Variants in NMD3 observed in about 807,000 individuals in gnomAD.
NMD3 encodes NMD3 ribosome export adaptor.
In NMD3, 47 loss-of-function variants were observed where a neutral mutation model predicts 73.1. The ratio of observed to expected loss-of-function variants is 0.64; its 90% CI spans 0.51 to 0.82. NMD3 has a LOEUF of 0.82. Among genes scored for constraint, NMD3 ranks in the 40% least tolerant of loss-of-function variants. The probability of loss-of-function intolerance (pLI) is 0.00; values close to 1 mark genes in which losing one functional copy is unlikely to be tolerated. For synonymous variants in NMD3, 210 were observed against 194.5 expected, an observed-to-expected ratio of 1.08 and a Z score of -0.66; for missense variants, 554 against 612.5, an observed-to-expected ratio of 0.90 and a Z score of 1.01.
intron 3 of NMD3, among the ~76,000 whole-genome samples, chr3:161,225,824 A>G (rs1190412914): frequency 2.0e-5 from 3 of 151,844 alleles, no homozygotes; most frequent in Non-Finnish European, 2.9e-5. Flanking sequence ...ATGTATATAT[A>G]TGTGTGTGTG....
rs1301349521 is a variant in NMD3, at chr3:161,235,106, A to T, written c.487-16A>T. 7.6e-7 allele frequency: 1 copy of T among 1,310,454 alleles called. No homozygotes were observed. Among genetic ancestry groups the T allele is most frequent in the African/African-American group, 1.5e-5 (1 of 67,532 alleles). 81.2% of individuals were successfully genotyped at this position (1,310,454 alleles called of 1,614,324 possible). On this transcript the variant is annotated splice_polypyrimidine_tract_variant and intron_variant, in intron 6 of 15. Transcript: ENST00000351193. ...TTTTTGTGGGGCATTTATTGATCAA[A>T]TAATTTATATTTTAGACTTTGCATA...
intron 5 of NMD3, among the ~76,000 whole-genome samples, chr3:161,234,457 A>G (rs1163070213): frequency 2.7e-5 from 4 of 147,284 alleles, no homozygotes; most frequent in Admixed American, 6.8e-5. Context: ...ATATATATAT[A>G]TGTAAAATAT....
rs1197882242 is a variant in NMD3, at chr3:161,249,545, A to G, written c.1295A>G (p.Asp432Gly). The change falls in exon 14 of 16, where the codon GAT (aspartate) becomes GGT (glycine). Residue 432 changes from aspartate to glycine, a missense_variant. By Grantham distance (94) the Asp-to-Gly change is moderately conservative. Coordinates refer to ENST00000351193, the MANE Select transcript of NMD3 (RefSeq NM_015938.5). Reference protein sequence around the residue: ...KELARERENMDTDDERQYQDF... With the variant: ...KELARERENMGTDDERQYQDF... The stretch of plus-strand genomic sequence containing the variant: ...CTTGCAAGAGAGAGAGAAAACATGG[A>G]TACAGATGATGAAAGGTCTCGCTTT... The G allele has an allele frequency of 1.9e-6, 3 of 1,601,632 alleles. No homozygotes were observed. Among genetic ancestry groups the G allele is most frequent in the African/African-American group, 1.3e-5 (1 of 74,578 alleles).
At chr3:161,225,113 A>C in intron 3 of NMD3, 49 bp downstream of exon 3, 1 of 1,556,068 alleles carries the variant, frequency 6.4e-7, no homozygotes. Context: ...ATTTACATTT[A>C]GAGAACCACC....
intron 4 of NMD3, among the ~76,000 whole-genome samples, chr3:161,230,381 C>T (rs1736486843): frequency 6.6e-6 from 1 of 152,178 alleles, no homozygotes; most frequent in African/African-American, 2.4e-5. Flanking sequence ...AAGCGATCCT[C>T]CTGCCTCAGC....
chr3:161,227,587 A>G (rs564915409), intron 4 of NMD3, among the ~76,000 whole-genome samples: 1 of 151,666 alleles, frequency 6.6e-6, no homozygotes, highest in Admixed American at 6.6e-5. Context: ...AGCTGGGATT[A>G]TAGGCGCACA....
chr3:161,221,883 A>G, intron 1 of NMD3, 111 bp from the exon 2 acceptor site: 2 of 645,270 alleles, frequency 3.1e-6, no homozygotes, highest in African/African-American at 1.9e-5. Context: ...CTGTGAATAT[A>G]TTAATTATTC....
At chr3:161,235,809 G>A (rs950621711) in intron 7 of NMD3, among the ~76,000 whole-genome samples, 4 of 151,858 alleles carry the variant, frequency 2.6e-5, no homozygotes, top group African/African-American at 9.7e-5. Flanking sequence ...TAGATTCTTG[G>A]TATAAAATTG....
chr3:161,253,045 CGA>C (rs1711506686), downstream of NMD3: 2 of 274,624 alleles, frequency 7.3e-6, no homozygotes, highest in East Asian at 1.4e-4. Context: ...TGCAGTGAGT[CGA>C]GATCTGGCCA....
intron 7 of NMD3, 67 bp downstream of exon 7, chr3:161,235,279 TA>T (rs1350766112): frequency 1.3e-6 from 1 of 741,382 alleles, no homozygotes. Flanking sequence ...TAAGTAATCT[TA>T]TATTTACTGA....
intron 13 of NMD3, 37 bp downstream of exon 13, chr3:161,247,367 A>C (rs1390564714): frequency 3.0e-6 from 4 of 1,316,982 alleles, no homozygotes; most frequent in Non-Finnish European, 4.4e-6. Context: ...TCCTGTGTTA[A>C]AGAGGATGAA....
intron 15 of NMD3, 106 bp from the exon 16 acceptor site, chr3:161,250,674 A>G: frequency 1.5e-6 from 1 of 685,156 alleles, no homozygotes; most frequent in Non-Finnish European, 2.3e-6. Flanking sequence ...ATGTAGTTAC[A>G]TAATAATAAT....
intron 10 of NMD3, among the ~76,000 whole-genome samples, chr3:161,241,838 G>C (rs1013694774): frequency 6.6e-6 from 1 of 152,054 alleles, no homozygotes; most frequent in East Asian, 1.9e-4. Flanking sequence ...TGGCCCATTG[G>C]AACATTTAGT....
intron 12 of NMD3, 90 bp from the exon 13 acceptor site, chr3:161,247,168 T>G: frequency 1.3e-6 from 1 of 749,996 alleles, no homozygotes; most frequent in African/African-American, 1.7e-5. Context: ...AAATGTTTGA[T>G]TTTTAGGAAG....
chr3:161,221,976 TTTTTTTTTTTTTAA>T lies in NMD3; in HGVS notation c.-20-17_-20-4del. ...ACATTCTCTTTTTTTTTTTTTTTTT[TTTTTTTTTTTTTAA>T]AAGAACTTAAGGCATACAGAACGAT... On this transcript the variant is annotated splice_region_variant and splice_polypyrimidine_tract_variant and intron_variant, in intron 1 of 15. Coordinates refer to ENST00000351193, the MANE Select transcript of NMD3 (RefSeq NM_015938.5). 7.7e-6 allele frequency: 7 copies of T among 913,624 alleles called. No individual in the cohort carries two copies. Among genetic ancestry groups the T allele is most frequent in the Non-Finnish European group, 8.7e-6 (6 of 693,466 alleles). 56.6% of individuals were successfully genotyped at this position (913,624 alleles called of 1,614,324 possible).
At position 161,234,759 on chromosome 3, in the gene NMD3, T is replaced by C. The variant is rs1397666382; in HGVS notation, c.390T>C (p.Phe130=). Residue 130 remains phenylalanine, a synonymous_variant, in exon 6 of 16, where the codon TTT becomes TTC. Coordinates refer to ENST00000351193, the MANE Select transcript of NMD3 (RefSeq NM_015938.5). ...VMNGAILQQV[F]VVDYVVQSQM... is the part of the protein sequence containing the mutation. ...ATGGTGCTATCCTTCAACAAGTGTT[T>C]GTGGTGGATTATGTTGTTCAGTCCC... is the stretch of plus-strand genomic sequence containing the variant. 1 of 1,612,756 alleles carries C rather than the reference T, an allele frequency of 6.2e-7. No individual in the cohort carries two copies. The highest frequency in any genetic ancestry group is 8.5e-7 in the Non-Finnish European group (1 of 1,179,104).
chr3:161,228,279 T>A (rs1736400796), intron 4 of NMD3, among the ~76,000 whole-genome samples: 1 of 152,174 alleles, frequency 6.6e-6, no homozygotes, highest in South Asian at 2.1e-4. Context: ...TTTATTTTCC[T>A]ACTAGGTCCC....
At chr3:161,242,732 T>G (rs1259529941) in intron 11 of NMD3, 79 bp downstream of exon 11, 4 of 1,423,682 alleles carry the variant, frequency 2.8e-6, no homozygotes, top group Non-Finnish European at 3.8e-6. Context: ...TAAAAAAAAT[T>G]TGTTGGTGTT....
At chr3:161,227,475 A>AACG in intron 4 of NMD3, 132 bp downstream of exon 4, 1 of 542,464 alleles carries the variant, frequency 1.8e-6, no homozygotes, top group South Asian at 2.2e-5. Flanking sequence ...TGGGGTCTTG[A>AACG]ACTGTCACCT....
Sources: allele counts gnomAD v4.1 joint callset (sites outside exome capture counted in the v4.1 genomes callset), GRCh38; gene constraint gnomAD v4.1.1; transcripts MANE v1.5; gene names NCBI Gene and HGNC (gene_info 2026-07-23, HGNC 2026-07-21).